Variants in ZNF385D observed in about 807,000 individuals in gnomAD.
ZNF385D encodes zinc finger protein 659.
A neutral mutation model predicts 35.8 loss-of-function variants in ZNF385D; 15 were observed. That is an observed-to-expected ratio of 0.42 (90% confidence interval 0.28 to 0.64). The LOEUF is 0.64. Among genes scored for constraint, ZNF385D ranks in the 30% least tolerant of loss-of-function variants. The pLI is 0.23. For synonymous variants in ZNF385D, 212 were observed against 186.8 expected (o/e 1.13, Z -1.10); for missense variants, 474 against 494.6 (o/e 0.96, Z 0.39).
chr3:22,022,575 C>G (rs2125458048), intron 3 of ZNF385D, among the ~76,000 whole-genome samples: 1 of 152,214 alleles, frequency 6.6e-6, no homozygotes, highest in African/African-American at 2.4e-5. Context: ...TCATAAATTC[C>G]TGTTTGGCAA....
At chr3:21,713,386 C>T (rs991718444) in intron 1 of ZNF385D, among the ~76,000 whole-genome samples, 3 of 152,160 alleles carry the variant, frequency 2.0e-5, no homozygotes, top group African/African-American at 7.2e-5. Flanking sequence ...CACTGCACCC[C>T]CTGTAATCTG....
At position 22,349,683 on chromosome 3, in the gene ZNF385D, T is replaced by C. The variant is rs111785957; in HGVS notation, c.106+22767A>G. On this transcript the variant is annotated intron_variant, in intron 2 of 5. Coordinates refer to the ZNF385D transcript ENST00000494108. ...TATATGATCAAGGATGTGTGACAGA[T>C]AATAAATGCACTGGACCATAAATCA... is the stretch of plus-strand genomic sequence containing the variant. Among the ~76,000 whole-genome samples the C allele has an allele frequency of 2.2e-4, 34 of 152,304 alleles. 2 individuals are homozygous for C. Among genetic ancestry groups the C allele is most frequent in the African/African-American group, 7.9e-4 (33 of 41,584 alleles).
At chr3:22,267,119 C>A (rs1340957347) in intron 2 of ZNF385D, among the ~76,000 whole-genome samples, 2 of 151,848 alleles carry the variant, frequency 1.3e-5, no homozygotes, top group Non-Finnish European at 2.9e-5. Flanking sequence ...ATGAACTAAG[C>A]TAACTCACTG....
At chr3:22,180,413 G>T (rs982725520) in intron 2 of ZNF385D, among the ~76,000 whole-genome samples, 1 of 152,172 alleles carries the variant, frequency 6.6e-6, no homozygotes, top group Non-Finnish European at 1.5e-5. Context: ...GAAAAAGAGG[G>T]AATCCTCCCT....
intron 4 of ZNF385D, among the ~76,000 whole-genome samples, chr3:21,497,069 G>A (rs1705956381): frequency 6.6e-6 from 1 of 152,018 alleles, no homozygotes; most frequent in Admixed American, 6.6e-5. Context: ...GCAAGAGAAA[G>A]AAAGAAAAGG....
At chr3:21,597,172 A>G (rs1463766873) in intron 2 of ZNF385D, among the ~76,000 whole-genome samples, 2 of 152,306 alleles carry the variant, frequency 1.3e-5, no homozygotes, top group Admixed American at 6.5e-5. Flanking sequence ...TAATCAACCA[A>G]TTATAATTTA....
In ZNF385D at chr3:21,570,069, TAAAA is replaced by T. The variant is rs976995831; in HGVS notation, c.166-5389_166-5386del. 4.0e-5 allele frequency among the ~76,000 whole-genome samples: 6 copies of T among 149,988 alleles called. No homozygotes were observed. The South Asian group carries it at 1.1e-3, about 26-fold the overall frequency. ...ACTTAAAGTATAATAATAATAATAA[TAAAA>T]AAAATTACACCTTAAAAAAAAAGAA... On this transcript the variant is annotated intron_variant, in intron 2 of 7. Coordinates refer to ENST00000281523, the MANE Select transcript of ZNF385D (RefSeq NM_024697.3).
intron 2 of ZNF385D, among the ~76,000 whole-genome samples, chr3:22,173,998 A>G (rs1694643893): frequency 6.7e-6 from 1 of 148,422 alleles, no homozygotes; most frequent in African/African-American, 2.5e-5. Flanking sequence ...ATCAGTTTCA[A>G]TTAAGATTAT....
chr3:22,057,683 T>A (rs535917391), intron 3 of ZNF385D, among the ~76,000 whole-genome samples: 7 of 152,036 alleles, frequency 4.6e-5, no homozygotes, highest in African/African-American at 7.3e-5. Context: ...CCGGCTAATT[T>A]TCTTATTTTT....
At chr3:21,943,543 T>C (rs1235586430) in intron 3 of ZNF385D, among the ~76,000 whole-genome samples, 2 of 151,372 alleles carry the variant, frequency 1.3e-5, no homozygotes, top group Non-Finnish European at 2.9e-5. Context: ...GTTCATATGA[T>C]ACAGTATAGA....
intron 2 of ZNF385D, among the ~76,000 whole-genome samples, chr3:22,295,354 C>T (rs1702513770): frequency 6.6e-6 from 1 of 152,100 alleles, no homozygotes; most frequent in Admixed American, 6.6e-5. Context: ...ACAGCTCTCA[C>T]ACATGAGGGA....
intron 1 of ZNF385D, among the ~76,000 whole-genome samples, chr3:21,677,217 G>C (rs1250526253): frequency 1.3e-5 from 2 of 152,036 alleles, no homozygotes; most frequent in African/African-American, 4.8e-5. Flanking sequence ...CTAAATCTGA[G>C]GCAGCTTTTG....
intron 3 of ZNF385D, among the ~76,000 whole-genome samples, chr3:22,076,928 A>G (rs1700493696): frequency 6.6e-6 from 1 of 151,862 alleles, no homozygotes; most frequent in Non-Finnish European, 1.5e-5. Context: ...TGAAAAAAAC[A>G]CTCATCTACC....
At chr3:21,608,957 A>G (rs1442646826) in intron 2 of ZNF385D, among the ~76,000 whole-genome samples, 1 of 152,236 alleles carries the variant, frequency 6.6e-6, no homozygotes, top group Admixed American at 6.5e-5. Flanking sequence ...ACATGTTGTC[A>G]ATAATAAGTC....
At chr3:21,629,427 G>A (rs991378224) in intron 2 of ZNF385D, among the ~76,000 whole-genome samples, 1 of 152,002 alleles carries the variant, frequency 6.6e-6, no homozygotes, top group East Asian at 1.9e-4. Context: ...CATCCTTAAA[G>A]CATAAGAAAA....
chr3:22,258,073 G>C (rs551276283), intron 2 of ZNF385D, among the ~76,000 whole-genome samples: 2 of 151,876 alleles, frequency 1.3e-5, no homozygotes, highest in East Asian at 1.9e-4. Flanking sequence ...GGTACAATGA[G>C]ATATAATAGA....
At chr3:21,808,365 T>C (rs1371189319) in intron 3 of ZNF385D, among the ~76,000 whole-genome samples, 2 of 152,170 alleles carry the variant, frequency 1.3e-5, no homozygotes, top group Non-Finnish European at 2.9e-5. Context: ...AGGAAAACAC[T>C]AGAAGCTATG....
chr3:21,523,865 A>G (rs908320705), intron 3 of ZNF385D, among the ~76,000 whole-genome samples: 3 of 152,142 alleles, frequency 2.0e-5, no homozygotes, highest in Admixed American at 6.5e-5. Flanking sequence ...AGAGGAGGGC[A>G]AGACTGGGGA....
chr3:21,421,530 A>C, intron 7 of ZNF385D, 83 bp from the exon 8 acceptor site: 1 of 880,820 alleles, frequency 1.1e-6, no homozygotes, highest in Non-Finnish European at 1.7e-6. Flanking sequence ...GAGCTTTTAA[A>C]ATATAGCAGT....
Sources: allele counts gnomAD v4.1 joint callset (sites outside exome capture counted in the v4.1 genomes callset), GRCh38; gene constraint gnomAD v4.1.1; transcripts MANE v1.5; gene names NCBI Gene and HGNC (gene_info 2026-07-23, HGNC 2026-07-21).